The following PCDHA2 variants were observed in gnomAD, a reference collection of about 807,000 sequenced individuals.
PCDHA2 encodes the protein protocadherin alpha 2, also known as protocadherin alpha-2.
PCDHA2 carries 58 observed loss-of-function variants against 66.0 expected under a neutral mutation model. The observed-to-expected ratio is 0.88, with a 90% CI of 0.71 to 1.09. The LOEUF is 1.09. Among genes scored for constraint, PCDHA2 ranks in the 50% least tolerant of loss-of-function variants. The probability of loss-of-function intolerance (pLI) is 0.00; values close to 1 mark genes in which losing one functional copy is unlikely to be tolerated. For missense variants in PCDHA2, 1,267 were observed against 1,242.3 expected (o/e 1.02, Z -0.30); for synonymous variants, 634 against 554.0 (o/e 1.14, Z -2.03).
chr5:140,849,038 C>T, intron 1 of PCDHA2: 5 of 1,575,008 alleles, frequency 3.2e-6, no homozygotes, highest in Non-Finnish European at 4.3e-6. Context: ...TCTTCCTGGA[C>T]GTGCCAACCA....
chr5:140,948,497 C>G (rs1181465701), intron 1 of PCDHA2, among the ~76,000 whole-genome samples: 2 of 151,510 alleles, frequency 1.3e-5, no homozygotes, highest in Non-Finnish European at 3.0e-5. Context: ...CTTTCATAGA[C>G]TTTCTATTAA....
At chr5:140,803,183 G>T (rs1554122629) in intron 1 of PCDHA2, 1 of 1,613,910 alleles carries the variant, frequency 6.2e-7, no homozygotes, top group Non-Finnish European at 8.5e-7. Flanking sequence ...TGACCGCCAC[G>T]GCCACTGTGC....
intron 1 of PCDHA2, chr5:140,857,381 G>A (rs1232678115): frequency 6.3e-7 from 1 of 1,598,364 alleles, no homozygotes; most frequent in Non-Finnish European, 8.6e-7. Flanking sequence ...TGTGGAGGTG[G>A]CCGACGTGAA....
At chr5:141,006,108 T>G (rs1268824828) in intron 3 of PCDHA2, among the ~76,000 whole-genome samples, 3 of 151,864 alleles carry the variant, frequency 2.0e-5, no homozygotes, top group Non-Finnish European at 4.4e-5. Flanking sequence ...GTAAGGAGTT[T>G]TTTTTTTTTT....
chr5:140,985,606 C>A (rs1008038466), intron 3 of PCDHA2, among the ~76,000 whole-genome samples: 1 of 152,300 alleles, frequency 6.6e-6, no homozygotes, highest in South Asian at 2.1e-4. Context: ...AGAGCCCTTT[C>A]CGTGAACCAG....
chr5:140,871,699 C>A, intron 1 of PCDHA2: 1 of 891,286 alleles, frequency 1.1e-6, no homozygotes. Context: ...CTTCTTTAAC[C>A]AATAAATGTC....
intron 1 of PCDHA2, chr5:140,822,368 C>T: frequency 6.2e-7 from 1 of 1,614,006 alleles, no homozygotes; most frequent in South Asian, 1.1e-5. Flanking sequence ...TTGAGGAAAT[C>T]CTTAGATAGA....
At position 140,802,150 on chromosome 5, in the gene PCDHA2, T is replaced by C. The variant is rs782759775; in HGVS notation, c.2388+4798T>C. 4.6e-5 allele frequency: 74 copies of C among 1,614,112 alleles called. 1 individual carries two copies. Among genetic ancestry groups the C allele is most frequent in the Non-Finnish European group, 5.8e-5 (68 of 1,180,050 alleles). ...TTCGAGGAAAGTAAGTCATATGAAA[T>C]CCAGGTAGAAGCCACGGATAAAGGA... On this transcript the variant is annotated intron_variant, in intron 1 of 3. Coordinates refer to ENST00000526136, the MANE Select transcript of PCDHA2 (RefSeq NM_018905.3).
intron 1 of PCDHA2, among the ~76,000 whole-genome samples, chr5:140,888,739 GA>G (rs782625301): frequency 6.6e-6 from 1 of 151,978 alleles, no homozygotes; most frequent in Non-Finnish European, 1.5e-5. Flanking sequence ...TGAGCTCTAG[GA>G]ATTATTCTAC....
chr5:140,882,199 G>A, intron 1 of PCDHA2: 1 of 1,526,968 alleles, frequency 6.5e-7, no homozygotes, highest in Non-Finnish European at 8.8e-7. Context: ...TAAAAATTGG[G>A]CCTTGAGAGA....
rs1764551285 is a variant in PCDHA2, at chr5:140,809,828, T to C, written c.2388+12476T>C. On this transcript the variant is annotated intron_variant, in intron 1 of 3. Coordinates refer to ENST00000526136, the MANE Select transcript of PCDHA2 (RefSeq NM_018905.3). Reference sequence around the variant, plus strand: ...TAAATTTTCACTATATTCACCCTCTTTGTTTTTGGTAATAATCAACATTTT... The same window carrying C: ...TAAATTTTCACTATATTCACCCTCTCTGTTTTTGGTAATAATCAACATTTT... The C allele has an allele frequency of 1.4e-5, 5 of 363,892 alleles. No homozygotes were observed. In the East Asian group the frequency reaches 2.4e-4, roughly 18 times the overall value. The allele number at this position is 363,892 out of a possible 1,614,324, so 22.5% of individuals were successfully genotyped here. A position where few individuals can be genotyped will look rare whatever the true frequency, so the allele number is the denominator to read the frequency against.
intron 1 of PCDHA2, among the ~76,000 whole-genome samples, chr5:140,889,560 T>C (rs2062271183): frequency 6.6e-6 from 1 of 152,204 alleles, no homozygotes. Context: ...TCTTCAGAAT[T>C]CTGCTTTCTG....
Position 140,796,752 on chromosome 5 carries a change from A to G in PCDHA2, c.1788A>G (p.Ala596=), listed in dbSNP as rs1359473362. ...GAGHVVAKVR[A]VDADSGYNAW... ...GGCACGTGGTGGCGAAGGTGCGCGC[A>G]GTGGACGCTGACTCAGGCTACAACG... The change falls in exon 1 of 4, where the codon GCA becomes GCG. Residue 596 remains alanine, a synonymous_variant. Coordinates refer to ENST00000526136, the MANE Select transcript of PCDHA2 (RefSeq NM_018905.3). The G allele has an allele frequency of 6.2e-7, 1 of 1,614,118 alleles. No homozygotes were observed. Among genetic ancestry groups the G allele is most frequent in the Non-Finnish European group, 8.5e-7 (1 of 1,179,966 alleles).
At chr5:140,879,173 G>T (rs1010561937) in intron 1 of PCDHA2, among the ~76,000 whole-genome samples, 2 of 152,160 alleles carry the variant, frequency 1.3e-5, no homozygotes, top group South Asian at 2.1e-4. Context: ...AATAAATTAG[G>T]TATCAAGTAA....
intron 1 of PCDHA2, chr5:140,870,402 T>A (rs782585618): frequency 3.7e-6 from 6 of 1,614,230 alleles, no homozygotes; most frequent in Middle Eastern, 1.6e-4. Context: ...GTTCGCCTTC[T>A]CTGTGGGCCA....
At chr5:140,801,837 G>A (rs782758348) in intron 1 of PCDHA2, 16 of 1,614,038 alleles carry the variant, frequency 9.9e-6, no homozygotes, top group Non-Finnish European at 1.3e-5. Context: ...ACTAATAACA[G>A]CAATTGATGG....
At chr5:140,835,755 C>G (rs782724807) in intron 1 of PCDHA2, 1 of 1,613,410 alleles carries the variant, frequency 6.2e-7, no homozygotes, top group Non-Finnish European at 8.5e-7. Flanking sequence ...GTTCGCGCAG[C>G]CCGAGTATAC....
At chr5:140,870,590 G>C in intron 1 of PCDHA2, 1 of 1,613,564 alleles carries the variant, frequency 6.2e-7, no homozygotes, top group Non-Finnish European at 8.5e-7. Context: ...CTGGTGGAGC[G>C]GCGGTTGGGC....
chr5:140,869,401 G>T, intron 1 of PCDHA2: 1 of 1,614,222 alleles, frequency 6.2e-7, no homozygotes, highest in South Asian at 1.1e-5. Flanking sequence ...CGGGCAGAGC[G>T]CGGAGTGCAG....
Sources: gnomAD v4.1 joint callset for allele counts (sites outside exome capture counted in the v4.1 genomes callset) on GRCh38, gnomAD v4.1.1 for gene constraint, MANE v1.5 for transcripts, NCBI Gene and HGNC (gene_info 2026-07-23, HGNC 2026-07-21) for gene names.